Variants in ASTN2 observed in about 807,000 individuals in gnomAD.
ASTN2 encodes the protein astrotactin 2.
A neutral mutation model predicts 139.8 loss-of-function variants in ASTN2; 54 were observed. That is an observed-to-expected ratio of 0.39 (90% CI 0.31 to 0.48). The LOEUF (loss-of-function observed/expected upper bound fraction) is 0.48. Among genes scored for constraint, ASTN2 ranks in the 20% least tolerant of loss-of-function variants. The pLI is 0.95. For synonymous variants in ASTN2, 756 were observed against 719.5 expected, an observed-to-expected ratio of 1.05 and a Z score of -0.81; for missense variants, 1,565 against 1,725.1, an observed-to-expected ratio of 0.91 and a Z score of 1.64.
At chr9:117,288,891 A>G (rs1013729282) in intron 2 of ASTN2, among the ~76,000 whole-genome samples, 2 of 152,204 alleles carry the variant, frequency 1.3e-5, no homozygotes, top group African/African-American at 2.4e-5. Context: ...AACTGCCCCT[A>G]TTAACAAAAG....
chr9:116,722,978 A>T (rs1474826297), intron 16 of ASTN2, among the ~76,000 whole-genome samples: 1 of 152,188 alleles, frequency 6.6e-6, no homozygotes, highest in Non-Finnish European at 1.5e-5. Context: ...ATCCTGGCTA[A>T]CACAGTGAAA....
At chr9:117,048,597 G>C (rs1838813980) in intron 5 of ASTN2, among the ~76,000 whole-genome samples, 1 of 152,336 alleles carries the variant, frequency 6.6e-6, no homozygotes, top group East Asian at 1.9e-4. Flanking sequence ...GCAGGTAGCT[G>C]GGCTTGCAAG....
chr9:117,255,742 G>A (rs1276860517), intron 2 of ASTN2, among the ~76,000 whole-genome samples: 3 of 152,196 alleles, frequency 2.0e-5, no homozygotes, highest in Admixed American at 6.5e-5. Context: ...GTATGACAAA[G>A]AGAATTGCAA....
At chr9:116,816,810 G>A (rs2132264640) in intron 12 of ASTN2, among the ~76,000 whole-genome samples, 1 of 152,022 alleles carries the variant, frequency 6.6e-6, no homozygotes, top group East Asian at 1.9e-4. Context: ...CAGAGGTCCA[G>A]TCTCCAAGAG....
intron 19 of ASTN2, among the ~76,000 whole-genome samples, chr9:116,577,400 C>T (rs1853764783): frequency 6.6e-6 from 1 of 151,612 alleles, no homozygotes; most frequent in African/African-American, 2.4e-5. Context: ...GGTGTGGTGG[C>T]TTGTGCCTGT....
chr9:116,933,961 T>TTG (rs886266214), intron 10 of ASTN2, among the ~76,000 whole-genome samples: 9 of 146,812 alleles, frequency 6.1e-5, no homozygotes, highest in Admixed American at 4.8e-4. Flanking sequence ...GAGACCTCAG[T>TTG]TGTGCGAAGT....
chr9:117,279,675 G>A (rs913513988), intron 2 of ASTN2, among the ~76,000 whole-genome samples: 1 of 152,140 alleles, frequency 6.6e-6, no homozygotes, highest in African/African-American at 2.4e-5. Flanking sequence ...TTAGGAGAGA[G>A]CTCTTGTGTA....
chr9:116,988,198 G>T (rs1019830863), intron 7 of ASTN2, among the ~76,000 whole-genome samples: 1 of 152,178 alleles, frequency 6.6e-6, no homozygotes, highest in Non-Finnish European at 1.5e-5. Context: ...GACAGGCAAT[G>T]GAGTCAGAAT....
intron 4 of ASTN2, among the ~76,000 whole-genome samples, chr9:117,137,584 T>C (rs1238894218): frequency 1.3e-5 from 2 of 152,188 alleles, no homozygotes; most frequent in Non-Finnish European, 1.5e-5. Flanking sequence ...GTCAACATAG[T>C]ATCAATACAT....
At chr9:116,624,831 T>C (rs1029759441) in intron 17 of ASTN2, among the ~76,000 whole-genome samples, 19 of 150,178 alleles carry the variant, frequency 1.3e-4, no homozygotes, top group African/African-American at 4.4e-4. Flanking sequence ...GCTCAACCCA[T>C]AACAAATGAA....
Position 116,698,311 on chromosome 9 carries a change from A to G in ASTN2, c.2806+27460T>C. The G allele has an allele frequency of 6.2e-7, 1 of 1,614,200 alleles. No homozygotes were observed. Among genetic ancestry groups the G allele is most frequent in the Non-Finnish European group, 8.5e-7 (1 of 1,180,042 alleles). ...AAAGCAGTTCTCCAGGAGTATGGGC[A>G]TGAGGAGCGCAGGGTCCAGGATGAG... On this transcript the variant is annotated intron_variant, in intron 16 of 22. Coordinates refer to ENST00000313400, the MANE Select transcript of ASTN2 (RefSeq NM_001365068.1). The surrounding 1 kb of genome is among the most constrained non-coding windows in gnomAD (Gnocchi z 4.4).
At chr9:116,993,139 C>T (rs1836905040) in intron 7 of ASTN2, among the ~76,000 whole-genome samples, 1 of 152,168 alleles carries the variant, frequency 6.6e-6, no homozygotes, top group African/African-American at 2.4e-5. Context: ...AATGAAAATG[C>T]TAATGTTTTT....
intron 11 of ASTN2, among the ~76,000 whole-genome samples, chr9:116,851,244 T>C (rs544640750): frequency 3.9e-5 from 6 of 152,044 alleles, no homozygotes; most frequent in Non-Finnish European, 7.4e-5. Context: ...AAAAACATGA[T>C]TAGCATAAAA....
chr9:117,169,774 A>C (rs754354480), intron 3 of ASTN2, among the ~76,000 whole-genome samples: 1 of 152,134 alleles, frequency 6.6e-6, no homozygotes, highest in Non-Finnish European at 1.5e-5. Context: ...GAAGGTTTCC[A>C]TGATGAATTA....
intron 20 of ASTN2, among the ~76,000 whole-genome samples, chr9:116,485,342 G>GT (rs1849304396): frequency 7.4e-6 from 1 of 134,922 alleles, no homozygotes; most frequent in African/African-American, 2.6e-5. Flanking sequence ...ATCCAGGTCT[G>GT]TGTGCCTTCA....
chr9:117,052,573 T>C (rs1311654847), intron 5 of ASTN2, among the ~76,000 whole-genome samples: 1 of 152,128 alleles, frequency 6.6e-6, no homozygotes, highest in South Asian at 2.1e-4. Context: ...AATTCTGTTG[T>C]TTGCACTCAA....
chr9:117,362,673 T>C (rs144143649), intron 1 of ASTN2, among the ~76,000 whole-genome samples: 1 of 152,224 alleles, frequency 6.6e-6, no homozygotes, highest in East Asian at 1.9e-4. Context: ...TGTTTGACTA[T>C]AAACAGCTTT....
At chr9:117,378,138 G>A (rs1830173329) in intron 1 of ASTN2, among the ~76,000 whole-genome samples, 1 of 152,146 alleles carries the variant, frequency 6.6e-6, no homozygotes, top group Non-Finnish European at 1.5e-5. Flanking sequence ...CATTTCCACA[G>A]GTGATGAGAA....
chr9:116,571,504 T>G (rs1318004598), intron 19 of ASTN2, among the ~76,000 whole-genome samples: 1 of 152,128 alleles, frequency 6.6e-6, no homozygotes, highest in Non-Finnish European at 1.5e-5. Context: ...GTCCATACGG[T>G]GAGTGTGAGT....
Sources: gnomAD v4.1 joint callset for allele counts (sites outside exome capture counted in the v4.1 genomes callset) on GRCh38, gnomAD v4.1.1 for gene constraint, Gnocchi (gnomAD v3.1) non-coding constraint, MANE v1.5 for transcripts, NCBI Gene and HGNC (gene_info 2026-07-23, HGNC 2026-07-21) for gene names.